ARHGAP6: variants seen among roughly 807,000 people sequenced by gnomAD.
ARHGAP6 encodes Rho GTPase activating protein 6.
ARHGAP6 carries 16 observed loss-of-function variants against 55.7 expected under a neutral mutation model. The ratio of observed to expected loss-of-function variants is 0.29; its 90% CI spans 0.19 to 0.44. The LOEUF (loss-of-function observed/expected upper bound fraction) is 0.44, where lower values mean the gene tolerates loss of function less well. Among genes scored for constraint, ARHGAP6 ranks in the 20% least tolerant of loss-of-function variants. The pLI is 1.00. For missense variants in ARHGAP6, 698 were observed against 808.9 expected (o/e 0.86, Z 1.66); for synonymous variants, 382 against 360.9 (o/e 1.06, Z -0.66).
chrX:11,283,063 C>T (rs1281084184), intron 1 of ARHGAP6, among the ~76,000 whole-genome samples: 1 of 111,871 alleles, frequency 8.9e-6, no homozygotes, highest in African/African-American at 3.2e-5. Context: ...CAATCCTATA[C>T]AGAATGTAAT....
chrX:11,296,707 CCT>C, intron 1 of ARHGAP6: 1 of 1,064,095 alleles, frequency 9.4e-7, no homozygotes, highest in Non-Finnish European at 1.3e-6. Flanking sequence ...TTAATCTCTT[CCT>C]CTCTCTTCTC....
At chrX:11,594,689 C>A (rs2051880231) in intron 1 of ARHGAP6, among the ~76,000 whole-genome samples, 1 of 111,685 alleles carries the variant, frequency 9.0e-6, no homozygotes, top group South Asian at 3.8e-4. Context: ...TGAGGTGGAA[C>A]AGTTTCATCC....
At chrX:11,588,123 G>A (rs1288779767) in intron 1 of ARHGAP6, among the ~76,000 whole-genome samples, 2 of 112,167 alleles carry the variant, frequency 1.8e-5, no homozygotes, top group African/African-American at 6.5e-5. Context: ...CCATTACTCA[G>A]GTCCCAATCT....
intron 1 of ARHGAP6, among the ~76,000 whole-genome samples, chrX:11,370,499 T>C (rs1214850467): frequency 1.8e-5 from 2 of 111,892 alleles, no homozygotes; most frequent in Non-Finnish European, 3.8e-5. Flanking sequence ...ACCCATGTTC[T>C]TTCTCTCTGG....
At chrX:11,361,982 A>AT (rs2049017971) in intron 1 of ARHGAP6, among the ~76,000 whole-genome samples, 1 of 111,809 alleles carries the variant, frequency 8.9e-6, no homozygotes. Flanking sequence ...TTACAATGGC[A>AT]ATCATTAAAA....
intron 1 of ARHGAP6, among the ~76,000 whole-genome samples, chrX:11,519,551 A>G (rs1335394994): frequency 9.0e-6 from 1 of 111,340 alleles, no homozygotes; most frequent in African/African-American, 3.3e-5. Context: ...CCAAAAGAAC[A>G]AAGCTGGAGG....
chrX:11,154,480 A>T (rs773567582), intron 10 of ARHGAP6, among the ~76,000 whole-genome samples: 5 of 112,416 alleles, frequency 4.4e-5, no homozygotes, highest in Admixed American at 2.8e-4. Flanking sequence ...AAAACCATGT[A>T]AAAAAACTTC....
chrX:11,630,758 C>A (rs1477968642), intron 1 of ARHGAP6, among the ~76,000 whole-genome samples: 1 of 112,090 alleles, frequency 8.9e-6, no homozygotes, highest in African/African-American at 3.2e-5. Context: ...TAACGACATT[C>A]TTCCTTTGAC....
At position 11,186,229 on chromosome X, in the gene ARHGAP6, T is replaced by C. The variant is rs370575009; in HGVS notation, c.1273+7A>G. On this transcript the variant is annotated splice_region_variant and intron_variant, in intron 5 of 12. Transcript: ENST00000337414. ...CCTTAGTACTTTAGACAGACAAGTC[T>C]ACTTACCATGTTTTTCTAGGTGCTG... 8.3e-7 allele frequency: 1 copy of C among 1,206,683 alleles called. No homozygotes were observed. Among genetic ancestry groups the C allele is most frequent in the Non-Finnish European group, 1.1e-6 (1 of 892,011 alleles).
chrX:11,269,356 T>C (rs1163785094), intron 1 of ARHGAP6, among the ~76,000 whole-genome samples: 5 of 111,924 alleles, frequency 4.5e-5, no homozygotes, highest in Non-Finnish European at 9.4e-5. Context: ...GCTCTTTATA[T>C]ATTGTTTTGC....
intron 1 of ARHGAP6, among the ~76,000 whole-genome samples, chrX:11,619,406 T>C (rs912881319): frequency 8.9e-6 from 1 of 112,203 alleles, no homozygotes; most frequent in African/African-American, 3.2e-5. Context: ...TAACCATTAA[T>C]GTGGGTTTGT....
At chrX:11,451,374 T>C (rs1356324100) in intron 1 of ARHGAP6, among the ~76,000 whole-genome samples, 2 of 112,105 alleles carry the variant, frequency 1.8e-5, no homozygotes, top group East Asian at 2.8e-4. Context: ...TCTGTACCCC[T>C]TGAGTTCACA....
chrX:11,500,429 G>A (rs993845293), intron 1 of ARHGAP6, among the ~76,000 whole-genome samples: 6 of 110,808 alleles, frequency 5.4e-5, no homozygotes, highest in Admixed American at 2.9e-4. Flanking sequence ...GTGAGGCCGA[G>A]GTGGGTGGAT....
chrX:11,521,125 A>G (rs1490477437), intron 1 of ARHGAP6, among the ~76,000 whole-genome samples: 3 of 111,986 alleles, frequency 2.7e-5, no homozygotes, highest in African/African-American at 6.5e-5. Flanking sequence ...TCACTCTGAT[A>G]GTATTTTCTT....
chrX:11,589,468 A>G (rs748485920), intron 1 of ARHGAP6, among the ~76,000 whole-genome samples: 1 of 107,256 alleles, frequency 9.3e-6, no homozygotes, highest in African/African-American at 3.4e-5. Flanking sequence ...GCATGGAAAG[A>G]CACATACTAT....
intron 1 of ARHGAP6, among the ~76,000 whole-genome samples, chrX:11,602,624 C>A (rs1004682922): frequency 6.2e-5 from 7 of 112,855 alleles, no homozygotes; most frequent in Admixed American, 9.3e-5. Flanking sequence ...TTTTCCCTCT[C>A]AACCTCTTGC....
chrX:11,144,355 G>A (rs1237812086), intron 10 of ARHGAP6, 107 bp from the exon 11 acceptor site: 4 of 1,051,999 alleles, frequency 3.8e-6, no homozygotes, highest in Admixed American at 4.8e-5. Flanking sequence ...GCGTGGACAC[G>A]GGCTGAAACA....
chrX:11,622,547 A>G (rs2052242200), intron 1 of ARHGAP6, among the ~76,000 whole-genome samples: 1 of 111,618 alleles, frequency 9.0e-6, no homozygotes, highest in Non-Finnish European at 1.9e-5. Context: ...AAGGGTCTAG[A>G]ACCATAAAAA....
intron 1 of ARHGAP6, among the ~76,000 whole-genome samples, chrX:11,436,023 A>AT (rs2049983727): frequency 8.9e-6 from 1 of 112,038 alleles, no homozygotes; most frequent in Non-Finnish European, 1.9e-5. Context: ...GAAGCACAAA[A>AT]TTTTTTCTCA....
Sources: allele counts gnomAD v4.1 joint callset (sites outside exome capture counted in the v4.1 genomes callset), GRCh38; gene constraint gnomAD v4.1.1; transcripts MANE v1.5; gene names NCBI Gene and HGNC (gene_info 2026-07-23, HGNC 2026-07-21).